Variants in FBXO21 observed in about 807,000 individuals in gnomAD.
The protein encoded by FBXO21 is F-box only protein 21.
Under a neutral mutation model 76.6 loss-of-function variants are expected in FBXO21, and 32 were observed. That is an observed-to-expected ratio of 0.42 (90% confidence interval 0.32 to 0.56). FBXO21 has a LOEUF of 0.56. Ranked by LOEUF, FBXO21 falls within the 20% of genes least tolerant of loss-of-function variation. The probability of loss-of-function intolerance (pLI) is 0.16; values close to 1 mark genes in which losing one functional copy is unlikely to be tolerated. For synonymous variants in FBXO21, 328 were observed against 311.5 expected (o/e 1.05, Z -0.56); for missense variants, 586 against 797.3 (o/e 0.73, Z 3.19).
At chr12:117,167,704 G>A (rs1256392489) in intron 7 of FBXO21, among the ~76,000 whole-genome samples, 1 of 149,788 alleles carries the variant, frequency 6.7e-6, no homozygotes, top group African/African-American at 2.5e-5. Context: ...TCACGCTACT[G>A]CACTGCACTC....
At chr12:117,179,453 CTTTT>C (rs143399826) in intron 3 of FBXO21, among the ~76,000 whole-genome samples, 3 of 149,784 alleles carry the variant, frequency 2.0e-5, no homozygotes, top group Non-Finnish European at 3.0e-5. Flanking sequence ...CCTCCTCCAT[CTTTT>C]TTTTTTCCCT....
chr12:117,153,469 C>A (rs535561184), intron 11 of FBXO21, among the ~76,000 whole-genome samples: 2 of 152,316 alleles, frequency 1.3e-5, no homozygotes, highest in Non-Finnish European at 2.9e-5. Context: ...CCTCCAAGCA[C>A]ACATGCCCGG....
chr12:117,166,578 C>A (rs533300572), intron 8 of FBXO21, among the ~76,000 whole-genome samples: 5 of 152,322 alleles, frequency 3.3e-5, no homozygotes, highest in Admixed American at 2.6e-4. Context: ...CTACAACTTT[C>A]TACTTTCCCT....
intron 9 of FBXO21, 63 bp downstream of exon 9, chr12:117,165,422 C>T: frequency 6.7e-7 from 1 of 1,490,668 alleles, no homozygotes; most frequent in Non-Finnish European, 9.1e-7. Flanking sequence ...TTGTCACGGG[C>T]ACCCTTCAAT....
At chr12:117,149,532 G>A (rs903115603) in intron 11 of FBXO21, among the ~76,000 whole-genome samples, 1 of 152,212 alleles carries the variant, frequency 6.6e-6, no homozygotes, top group Non-Finnish European at 1.5e-5. Context: ...CTACTAAAGG[G>A]ACATCTGGTA....
At chr12:117,179,915 CAAT>C (rs777537763) in intron 3 of FBXO21, among the ~76,000 whole-genome samples, 1 of 152,086 alleles carries the variant, frequency 6.6e-6, no homozygotes, top group Non-Finnish European at 1.5e-5. Flanking sequence ...TTTTTCAAAA[CAAT>C]GATATGGGCT....
rs538871620 is a variant in FBXO21, at chr12:117,168,263, C to T, written c.1014-1186G>A. ...GGATATAGCTGGGTGCGGTGGCTAA[C>T]GCCTGTAATCTCAGCACTTTGGGAG... On this transcript the variant is annotated intron_variant, in intron 7 of 11. Transcript: ENST00000622495. 7.7e-4 allele frequency among the ~76,000 whole-genome samples: 118 copies of T among 152,258 alleles called. 1 individual carries two copies. The highest frequency in any genetic ancestry group is 8.3e-4 in the South Asian group (4 of 4,826).
intron 1 of FBXO21, among the ~76,000 whole-genome samples, chr12:117,189,873 G>GC (rs1311370090): frequency 6.6e-6 from 1 of 152,158 alleles, no homozygotes; most frequent in African/African-American, 2.4e-5. Flanking sequence ...GGGATGCTGC[G>GC]CCCGCCCGAT....
intron 3 of FBXO21, among the ~76,000 whole-genome samples, chr12:117,180,350 G>A (rs1346005341): frequency 6.6e-6 from 1 of 152,192 alleles, no homozygotes; most frequent in Non-Finnish European, 1.5e-5. Context: ...GCACGTGTGT[G>A]TACATGTACA....
chr12:117,180,924 T>C (rs912927321), intron 3 of FBXO21, among the ~76,000 whole-genome samples: 1 of 152,202 alleles, frequency 6.6e-6, no homozygotes, highest in Non-Finnish European at 1.5e-5. Flanking sequence ...ACTTTTATGA[T>C]TACTGAAAAC....
chr12:117,148,662 G>A (rs139171257), intron 11 of FBXO21, among the ~76,000 whole-genome samples: 1 of 152,342 alleles, frequency 6.6e-6, no homozygotes, highest in East Asian at 1.9e-4. Context: ...GCTGTTGCGT[G>A]GGCTGCCCAA....
chr12:117,156,931 C>T (rs987766703), intron 10 of FBXO21, among the ~76,000 whole-genome samples: 1 of 152,058 alleles, frequency 6.6e-6, no homozygotes, highest in African/African-American at 2.4e-5. Context: ...CGCCTGTAAT[C>T]CTAGTACTTT....
intron 3 of FBXO21, among the ~76,000 whole-genome samples, chr12:117,178,191 A>G (rs1320344406): frequency 6.6e-6 from 1 of 152,092 alleles, no homozygotes. Context: ...AGGCATCTCC[A>G]TCATTCTAGT....
At chr12:117,171,038 A>G (rs903318054) in intron 7 of FBXO21, among the ~76,000 whole-genome samples, 9 of 152,214 alleles carry the variant, frequency 5.9e-5, no homozygotes, top group African/African-American at 1.9e-4. Context: ...TTAAGGCAAC[A>G]CACAGAAGTA....
chr12:117,169,072 C>T (rs182532735), intron 7 of FBXO21, among the ~76,000 whole-genome samples: 45 of 152,258 alleles, frequency 3.0e-4, no homozygotes, highest in African/African-American at 1.0e-3. Flanking sequence ...TGGAATCAAC[C>T]TAAATGCCCA....
At chr12:117,177,741 A>G in intron 3 of FBXO21, 100 bp from the exon 4 acceptor site, 2 of 906,056 alleles carry the variant, frequency 2.2e-6, no homozygotes, top group Non-Finnish European at 3.3e-6. Context: ...AACAAGAAAA[A>G]TATAATTGGT....
chr12:117,145,740 A>G lies in FBXO21; in HGVS notation c.*347T>C, dbSNP rs1476740363. ...GAAATGTTCTGAGACAAATGCAGACAGACAGGGGAATGGAGTGAATACAAA... is the reference window on the plus strand; with the variant it reads ...GAAATGTTCTGAGACAAATGCAGACGGACAGGGGAATGGAGTGAATACAAA... On this transcript the variant is annotated 3_prime_UTR_variant, in exon 12 of 12. Coordinates refer to ENST00000622495, the MANE Select transcript of FBXO21 (RefSeq NM_015002.3). 2 of 171,190 alleles carry G rather than the reference A, an allele frequency of 1.2e-5. No homozygotes were observed. Among genetic ancestry groups the G allele is most frequent in the Non-Finnish European group, 2.5e-5 (2 of 80,974 alleles). 10.6% of individuals were successfully genotyped at this position (171,190 alleles called of 1,614,324 possible).
chr12:117,190,207 C>T lies in FBXO21; in HGVS notation c.239+11G>A, dbSNP rs1211192700. 2.1e-5 allele frequency: 29 copies of T among 1,364,458 alleles called. No individual in the cohort carries two copies. Among genetic ancestry groups the T allele is most frequent in the Non-Finnish European group, 2.7e-5 (29 of 1,055,530 alleles). The allele number at this position is 1,364,458 out of a possible 1,614,324, so 84.5% of individuals were successfully genotyped here. A position where few individuals can be genotyped will look rare whatever the true frequency, so the allele number is the denominator to read the frequency against. On this transcript the variant is annotated intron_variant, in intron 1 of 11. Transcript: ENST00000622495. The stretch of plus-strand genomic sequence containing the variant: ...TGGGCGCGCAGCCGGGGCGCGGGGC[C>T]GCTGGCTCACCTCACCCGGAACTGC...
chr12:117,166,190 CA>C (rs34746643), intron 8 of FBXO21, among the ~76,000 whole-genome samples: 47,997 of 107,646 alleles, frequency 0.45, 7,628 homozygotes, highest in Admixed American at 0.55. Context: ...AACTATGTCT[CA>C]AAAAAAAAAA....
Sources: gnomAD v4.1 joint callset for allele counts (sites outside exome capture counted in the v4.1 genomes callset) on GRCh38, gnomAD v4.1.1 for gene constraint, MANE v1.5 for transcripts, NCBI Gene and HGNC (gene_info 2026-07-23, HGNC 2026-07-21) for gene names.